The following TOGARAM1 variants were observed in gnomAD, a reference collection of about 807,000 sequenced individuals.
TOGARAM1 encodes TOG array regulator of axonemal microtubules 1.
A neutral mutation model predicts 166.6 loss-of-function variants in TOGARAM1; 100 were observed. The observed-to-expected ratio is 0.60, with a 90% confidence interval of 0.51 to 0.71. The LOEUF (loss-of-function observed/expected upper bound fraction) is 0.71. Among genes scored for constraint, TOGARAM1 ranks in the 30% least tolerant of loss-of-function variants. The probability of loss-of-function intolerance (pLI) is 0.00; values close to 1 mark genes in which losing one functional copy is unlikely to be tolerated. For synonymous variants in TOGARAM1, 758 were observed against 763.8 expected (o/e 0.99, Z 0.13); for missense variants, 2,029 against 2,102.7 (o/e 0.96, Z 0.69).
chr14:45,059,183 T>A (rs1181101538), intron 16 of TOGARAM1, among the ~76,000 whole-genome samples: 1 of 152,088 alleles, frequency 6.6e-6, no homozygotes, highest in Non-Finnish European at 1.5e-5. Context: ...GTTCAAGCAA[T>A]CCTGTTTTAG....
chr14:44,965,585 T>C lies in TOGARAM1; in HGVS notation c.2046+1118T>C, dbSNP rs778863725. Among the ~76,000 whole-genome samples the C allele has an allele frequency of 1.1e-4, 16 of 152,304 alleles. 1 individual carries two copies. The highest frequency in any genetic ancestry group is 3.3e-4 in the Admixed American group (5 of 15,300). On this transcript the variant is annotated intron_variant, in intron 1 of 19. Transcript: ENST00000361462. ...ACATAGGAGATACATATATATTAAGTAGAAGATAAGTAGTGTGAACTTCAC... is the reference window on the plus strand; with the variant it reads ...ACATAGGAGATACATATATATTAAGCAGAAGATAAGTAGTGTGAACTTCAC...
chr14:45,055,862 CA>C (rs1192436356), intron 16 of TOGARAM1, among the ~76,000 whole-genome samples: 5 of 116,470 alleles, frequency 4.3e-5, no homozygotes, highest in African/African-American at 1.9e-4. Flanking sequence ...TTTTTTTTTC[CA>C]AAAAAAGGTT....
At chr14:44,992,916 C>G (rs931836857) in intron 1 of TOGARAM1, among the ~76,000 whole-genome samples, 2 of 151,012 alleles carry the variant, frequency 1.3e-5, no homozygotes, top group African/African-American at 4.9e-5. Flanking sequence ...CATGCCCGGC[C>G]TAATTTTTGC....
At chr14:45,043,177 TA>T (rs1881813187) in intron 11 of TOGARAM1, among the ~76,000 whole-genome samples, 1 of 151,798 alleles carries the variant, frequency 6.6e-6, no homozygotes, top group South Asian at 2.1e-4. Flanking sequence ...ATTGCACTTT[TA>T]TTTTTTTTTT....
chr14:45,018,956 T>G (rs1880323694), intron 7 of TOGARAM1, among the ~76,000 whole-genome samples: 1 of 152,250 alleles, frequency 6.6e-6, no homozygotes, highest in Non-Finnish European at 1.5e-5. Context: ...ATTTACATCT[T>G]TTAGCCAGAA....
At chr14:45,033,820 C>G (rs919138468) in intron 11 of TOGARAM1, among the ~76,000 whole-genome samples, 1 of 152,058 alleles carries the variant, frequency 6.6e-6, no homozygotes. Context: ...ACTGTATTTG[C>G]CCTCATAACG....
intron 2 of TOGARAM1, 124 bp downstream of exon 2, chr14:44,996,026 G>T: frequency 1.5e-6 from 1 of 675,168 alleles, no homozygotes; most frequent in Admixed American, 3.5e-5. Context: ...GTTATTTATT[G>T]AAGATCTGAT....
intron 1 of TOGARAM1, among the ~76,000 whole-genome samples, chr14:44,990,097 T>C (rs544078413): frequency 1.3e-5 from 2 of 152,310 alleles, no homozygotes; most frequent in Admixed American, 1.3e-4. Flanking sequence ...TTATGAGGAT[T>C]ACAATTCAAG....
rs1442136308 is a variant in TOGARAM1, at chr14:44,963,393, A to G, written c.972A>G (p.Glu324=). 3 of 1,614,170 alleles carry G rather than the reference A, an allele frequency of 1.9e-6. No homozygotes were observed. Among genetic ancestry groups the G allele is most frequent in the South Asian group, 1.1e-5 (1 of 91,076 alleles). Residue 324 remains glutamate, a synonymous_variant, in exon 1 of 20, where the codon GAA becomes GAG. Transcript: ENST00000361462. Reference sequence around the variant, plus strand: ...GAAGTCAGGTTCCTTATTATTTGGAACTTGAAGCCTCTGGATTTCCTGAAG... The same window carrying G: ...GAAGTCAGGTTCCTTATTATTTGGAGCTTGAAGCCTCTGGATTTCCTGAAG... ...QFGSQVPYYL[E]LEASGFPEDP... is the part of the protein sequence containing the mutation.
intron 1 of TOGARAM1, among the ~76,000 whole-genome samples, chr14:44,992,611 CTTTTTTTTTT>C (rs376434047): frequency 1.1e-5 from 1 of 91,324 alleles, no homozygotes; most frequent in African/African-American, 4.9e-5. Flanking sequence ...TTTTTGTAAT[CTTTTTTTTTT>C]TTTTTTTTTT....
At chr14:45,072,770 T>C (rs1883439912) in intron 19 of TOGARAM1, among the ~76,000 whole-genome samples, 1 of 151,866 alleles carries the variant, frequency 6.6e-6, no homozygotes. Flanking sequence ...AGGTTAGCAA[T>C]GCAAAGGAGT....
At chr14:45,034,655 G>A (rs1881333890) in intron 11 of TOGARAM1, among the ~76,000 whole-genome samples, 1 of 152,174 alleles carries the variant, frequency 6.6e-6, no homozygotes, top group African/African-American at 2.4e-5. Context: ...GCTCCATAGT[G>A]TAGTAAAATA....
chr14:44,962,731 C>T lies in TOGARAM1; in HGVS notation c.310C>T (p.Arg104Cys), dbSNP rs765980071. Residue 104 changes from arginine to cysteine, a missense_variant, in exon 1 of 20, where the codon CGC (arginine) becomes TGC (cysteine). By Grantham distance (180) the Arg-to-Cys change is radical (BLOSUM62 -3). Around this residue, in one of 2 missense-constraint regions of TOGARAM1, gnomAD observed 1,453 missense variants for 1,432.2 expected, o/e 1.01. Transcript: ENST00000361462. ...GGACACTCGGCTCCTTCAACTCCTCCGCACTGCCCGGGATCCTTCTGAGGC... is the reference window on the plus strand; with the variant it reads ...GGACACTCGGCTCCTTCAACTCCTCTGCACTGCCCGGGATCCTTCTGAGGC... ...EEDTRLLQLLRTARDPSEAFQ... is the reference protein window; with the variant it reads ...EEDTRLLQLLCTARDPSEAFQ... The T allele has an allele frequency of 1.9e-6, 3 of 1,613,864 alleles. No individual in the cohort carries two copies. Among genetic ancestry groups the T allele is most frequent in the Non-Finnish European group, 1.7e-6 (2 of 1,180,040 alleles).
At chr14:45,045,034 G>C (rs1468015827) in intron 13 of TOGARAM1, among the ~76,000 whole-genome samples, 164 bp downstream of exon 13, 2 of 152,064 alleles carry the variant, frequency 1.3e-5, no homozygotes, top group Non-Finnish European at 2.9e-5. Flanking sequence ...AATATGAAAA[G>C]AATAATTTTT....
chr14:45,066,765 A>G lies in TOGARAM1; in HGVS notation c.4747A>G (p.Lys1583Glu). The G allele has an allele frequency of 6.2e-7, 1 of 1,611,752 alleles. No individual in the cohort carries two copies. The highest frequency in any genetic ancestry group is 8.5e-7 in the Non-Finnish European group (1 of 1,178,556). The change falls in exon 17 of 20, where the codon AAG (lysine) becomes GAG (glutamate). Residue 1583 changes from lysine (K) to glutamate (E), a missense_variant and splice_region_variant. By Grantham distance (56) the Lys-to-Glu change is moderately conservative (BLOSUM62 1). This residue lies in a region of TOGARAM1 where 576 missense variants were observed against 670.5 expected (regional missense o/e 0.86). Coordinates refer to ENST00000361462, the MANE Select transcript of TOGARAM1 (RefSeq NM_001308120.2). ...NQDLVVGNIV[K>E]IFDAFKSRLH... ...AGACCTTGTTGTTGGAAACATTGTG[A>G]AGGTAAGGACTTGTCAGAATTAATT...
chr14:44,968,384 C>T (rs577740476), intron 1 of TOGARAM1, among the ~76,000 whole-genome samples: 24 of 152,268 alleles, frequency 1.6e-4, no homozygotes, highest in African/African-American at 4.6e-4. Context: ...CTCAGCCTTC[C>T]GAGTAGCTGG....
chr14:44,994,268 G>A (rs1887302197), intron 1 of TOGARAM1, among the ~76,000 whole-genome samples: 1 of 152,098 alleles, frequency 6.6e-6, no homozygotes, highest in South Asian at 2.1e-4. Context: ...ACAGGTGTAG[G>A]CTACCATGCC....
rs774764591 is a variant in TOGARAM1 at position 45,073,449 on chromosome 14, C to T, written c.5210C>T (p.Ala1737Val). The stretch of plus-strand genomic sequence containing the variant: ...ACAGCCACAGCTAAATTATCAAAAG[C>T]ACTCTTTGCACAGATGGGTCAGAAT... ...IRTATAKLSK[A>V]LFAQMGQNLL... is the part of the protein sequence containing the mutation. The change falls in exon 20 of 20, where the codon GCA becomes GTA. Residue 1737 changes from alanine (A) to valine (V), a missense_variant. By Grantham distance (64) the Ala-to-Val change is moderately conservative. Transcript: ENST00000361462. The T allele has an allele frequency of 1.9e-6, 3 of 1,614,154 alleles. No homozygotes were observed. The highest frequency in any genetic ancestry group is 1.3e-5 in the African/African-American group (1 of 75,026).
chr14:44,968,349 T>G (rs1885676031), intron 1 of TOGARAM1, among the ~76,000 whole-genome samples: 1 of 152,164 alleles, frequency 6.6e-6, no homozygotes, highest in Admixed American at 6.5e-5. Context: ...AAGCTCCGCC[T>G]CCCGGGTTCA....
Sources: allele counts gnomAD v4.1 joint callset (sites outside exome capture counted in the v4.1 genomes callset), GRCh38; gene constraint gnomAD v4.1.1; regional missense constraint gnomAD v4.1.1; transcripts MANE v1.5; gene names NCBI Gene and HGNC (gene_info 2026-07-23, HGNC 2026-07-21).